CAMSAP1: variants seen among roughly 807,000 people sequenced by gnomAD.
CAMSAP1 encodes the protein calmodulin regulated spectrin associated protein 1, also known as calmodulin-regulated spectrin-associated protein 1.
A neutral mutation model predicts 143.5 loss-of-function variants in CAMSAP1; 58 were observed. The observed-to-expected ratio is 0.40, with a 90% CI of 0.33 to 0.50. CAMSAP1 has a LOEUF of 0.50. Among genes scored for constraint, CAMSAP1 ranks in the 20% least tolerant of loss-of-function variants. The pLI, the probability that CAMSAP1 is intolerant of heterozygous loss-of-function variation, is 0.45. For synonymous variants in CAMSAP1, 945 were observed against 859.3 expected (o/e 1.10, Z -1.74); for missense variants, 1,969 against 2,115.7 (o/e 0.93, Z 1.36).
rs754711905 is a variant in CAMSAP1 at position 135,822,817 on chromosome 9, C to T, written c.1844G>A (p.Arg615Gln). The T allele has an allele frequency of 9.3e-6, 15 of 1,613,888 alleles. No homozygotes were observed. Among genetic ancestry groups the T allele is most frequent in the Admixed American group, 8.3e-5 (5 of 60,004 alleles). ...GATGCTCCTCGGTCTCCCTTCCCCCCGTTCATCCTCCTTGGTGATCACCTG... is the reference window on the plus strand; with the variant it reads ...GATGCTCCTCGGTCTCCCTTCCCCCTGTTCATCCTCCTTGGTGATCACCTG... ...EKQVITKEDE[R>Q]GEGRPRSIVS... is the part of the protein sequence containing the mutation. Residue 615 changes from arginine to glutamine, a missense_variant, in exon 11 of 17, where the codon CGG becomes CAG. Around this residue, in one of 4 missense-constraint regions of CAMSAP1, gnomAD observed 1,390 missense variants for 1,420.8 expected, o/e 0.98. Transcript: ENST00000389532. This position sits in a 1 kb window ranked among gnomAD's most constrained non-coding sequence, Gnocchi z 6.1.
chr9:135,907,437 C>T lies in CAMSAP1; in HGVS notation c.-278G>A, dbSNP rs947753058. 7.0e-6 allele frequency among the ~76,000 whole-genome samples: 1 copy of T among 142,408 alleles called. No homozygotes were observed. The highest frequency in any genetic ancestry group is 2.6e-5 in the African/African-American group (1 of 38,604). The allele number at this position is 142,408 out of a possible 152,430, so 93.4% of individuals were successfully genotyped here. ...GGCGCGGGCCGGGGGCGGGGGCGGG[C>T]GCGGGGGCGGGAGCGGGCCGGGGGC... On this transcript the variant is annotated 5_prime_UTR_variant, in exon 1 of 17. Transcript: ENST00000389532.
At chr9:135,858,419 A>C (rs376176851) in intron 5 of CAMSAP1, among the ~76,000 whole-genome samples, 2 of 152,140 alleles carry the variant, frequency 1.3e-5, no homozygotes, top group African/African-American at 4.8e-5. Flanking sequence ...TGACTGGGAT[A>C]CATCAGTGAG....
chr9:135,898,695 A>C (rs1383766058), intron 1 of CAMSAP1, among the ~76,000 whole-genome samples: 1 of 152,208 alleles, frequency 6.6e-6, no homozygotes, highest in Non-Finnish European at 1.5e-5. Context: ...TACATAACTA[A>C]AATCAAAAAG....
At chr9:135,842,017 T>C (rs555503458) in intron 7 of CAMSAP1, among the ~76,000 whole-genome samples, 1 of 152,070 alleles carries the variant, frequency 6.6e-6, no homozygotes, top group Non-Finnish European at 1.5e-5. Context: ...CTGACAGAAG[T>C]AGGCTTCAGA....
intron 7 of CAMSAP1, among the ~76,000 whole-genome samples, chr9:135,838,923 T>A (rs1836236423): frequency 6.6e-6 from 1 of 151,326 alleles, no homozygotes; most frequent in South Asian, 2.1e-4. Context: ...ACGCACTTTC[T>A]ACCCATTCTT....
At chr9:135,858,179 C>T (rs1374762265) in intron 5 of CAMSAP1, among the ~76,000 whole-genome samples, 3 of 150,794 alleles carry the variant, frequency 2.0e-5, no homozygotes, top group Non-Finnish European at 4.4e-5. Context: ...AATTACTTCT[C>T]CATTAGAGGA....
chr9:135,847,183 TA>T (rs35715308), intron 7 of CAMSAP1, among the ~76,000 whole-genome samples: 203 of 143,326 alleles, frequency 1.4e-3, no homozygotes, highest in Middle Eastern at 3.6e-3. Flanking sequence ...CCGTCTCTAC[TA>T]AAAAAAAAAA....
intron 1 of CAMSAP1, among the ~76,000 whole-genome samples, chr9:135,894,402 C>A (rs1028699910): frequency 6.6e-6 from 1 of 152,212 alleles, no homozygotes; most frequent in Non-Finnish European, 1.5e-5. Context: ...ACGCACCTGA[C>A]GGTGATGCTG....
intron 5 of CAMSAP1, among the ~76,000 whole-genome samples, chr9:135,854,181 T>G (rs1055936877): frequency 3.9e-5 from 6 of 152,230 alleles, no homozygotes; most frequent in African/African-American, 7.2e-5. Context: ...TGTGGATGTA[T>G]GTGTTGACTC....
At chr9:135,889,159 G>A (rs569434748) in intron 1 of CAMSAP1, among the ~76,000 whole-genome samples, 1 of 152,336 alleles carries the variant, frequency 6.6e-6, no homozygotes, top group South Asian at 2.1e-4. Flanking sequence ...CCCAGCCAGA[G>A]CGGCAGGACG....
At chr9:135,816,957 T>C (rs1835249100) in intron 14 of CAMSAP1, among the ~76,000 whole-genome samples, 3 of 152,150 alleles carry the variant, frequency 2.0e-5, no homozygotes, top group African/African-American at 7.2e-5. Flanking sequence ...GGGGCCCACC[T>C]GAGAGGCTGC....
rs752679087 is a variant in CAMSAP1 at position 135,817,957 on chromosome 9, G to A, written c.4271+20C>T. ...GAACGTCCTCCAGCCCCGTGCCGGCGGCCGTCTCAGGCCCCTTACCGCTGA... is the reference window on the plus strand; with the variant it reads ...GAACGTCCTCCAGCCCCGTGCCGGCAGCCGTCTCAGGCCCCTTACCGCTGA... On this transcript the variant is annotated intron_variant, in intron 14 of 16. Coordinates refer to ENST00000389532, the MANE Select transcript of CAMSAP1 (RefSeq NM_015447.4). 31 of 1,610,256 alleles carry A rather than the reference G, an allele frequency of 1.9e-5. No homozygotes were observed. The highest frequency in any genetic ancestry group is 6.6e-5 in the South Asian group (6 of 90,948).
At chr9:135,842,700 GA>G (rs1243279187) in intron 7 of CAMSAP1, among the ~76,000 whole-genome samples, 3 of 152,192 alleles carry the variant, frequency 2.0e-5, no homozygotes, top group African/African-American at 7.2e-5. Flanking sequence ...CATTCTTAAA[GA>G]AAAGAATTTT....
At chr9:135,891,401 T>C (rs757824521) in intron 1 of CAMSAP1, among the ~76,000 whole-genome samples, 12 of 152,318 alleles carry the variant, frequency 7.9e-5, no homozygotes, top group Non-Finnish European at 1.6e-4. Flanking sequence ...CAGAGACGTG[T>C]ATGAGCCTGC....
chr9:135,816,946 C>T (rs1272476147), intron 14 of CAMSAP1, among the ~76,000 whole-genome samples: 3 of 152,152 alleles, frequency 2.0e-5, no homozygotes, highest in Admixed American at 2.0e-4. Flanking sequence ...GGAGCGGTCC[C>T]GGGGCCCACC....
chr9:135,823,013 C>T lies in CAMSAP1; in HGVS notation c.1648G>A (p.Val550Met), dbSNP rs139777188. Residue 550 changes from valine (V) to methionine (M), a missense_variant, in exon 11 of 17, where the codon GTG (valine) becomes ATG (methionine). Around this residue, in one of 4 missense-constraint regions of CAMSAP1, gnomAD observed 1,390 missense variants for 1,420.8 expected, o/e 0.98. Coordinates refer to ENST00000389532, the MANE Select transcript of CAMSAP1 (RefSeq NM_015447.4). ...TCCGGGTCAGCCTGCTGGGGAACCA[C>T]GTCTGCTCTAACAATAGCCACAAGC... ...EELVAIVRAD[V>M]VPQQADPEFP... 40 of 1,613,894 alleles carry T rather than the reference C, an allele frequency of 2.5e-5. 1 individual carries two copies. Among genetic ancestry groups the T allele is most frequent in the South Asian group, 2.3e-4 (21 of 91,088 alleles).
rs1012085156 is a variant in CAMSAP1, at chr9:135,907,388, G to A, written c.-229C>T. Among the ~76,000 whole-genome samples, 1 of 146,046 alleles carries A rather than the reference G, an allele frequency of 6.8e-6. No individual in the cohort carries two copies. The highest frequency in any genetic ancestry group is 2.5e-5 in the African/African-American group (1 of 40,770). The stretch of plus-strand genomic sequence containing the variant: ...CGAGCGGAGGAGGTGCCGAGCCCGC[G>A]GCCCAAAGAGGCGGCGGCAGGAGGG... On this transcript the variant is annotated 5_prime_UTR_variant, in exon 1 of 17. Transcript: ENST00000389532.
intron 11 of CAMSAP1, 91 bp from the exon 12 acceptor site, chr9:135,819,237 C>G (rs910835933): frequency 3.4e-6 from 5 of 1,449,444 alleles, no homozygotes; most frequent in Non-Finnish European, 1.8e-6. Flanking sequence ...TTCCACTACG[C>G]TTTTAAAAGT....
At chr9:135,866,252 T>G in intron 4 of CAMSAP1, 1 of 535,792 alleles carries the variant, frequency 1.9e-6, no homozygotes, top group East Asian at 3.0e-5. Flanking sequence ...AAAACACCCC[T>G]TCCCAGGAGA....
Sources: allele counts gnomAD v4.1 joint callset (sites outside exome capture counted in the v4.1 genomes callset), GRCh38; gene constraint gnomAD v4.1.1; regional missense constraint gnomAD v4.1.1; non-coding constraint Gnocchi (gnomAD v3.1); transcripts MANE v1.5; gene names NCBI Gene and HGNC (gene_info 2026-07-23, HGNC 2026-07-21).